The following SYT15B variants were observed in gnomAD, a reference collection of about 807,000 sequenced individuals.
SYT15B encodes the protein synaptotagmin-15.
the SYT15B span, among the ~76,000 whole-genome samples, chr10:47,749,434 A>G: frequency 6.6e-6 from 1 of 150,952 alleles, no homozygotes; most frequent in South Asian, 2.1e-4. Context: ...TGCACATAGC[A>G]ATAATAATAA....
At chr10:47,756,583 C>T in the SYT15B span, among the ~76,000 whole-genome samples, 4 of 149,896 alleles carry the variant, frequency 2.7e-5, no homozygotes, top group African/African-American at 9.7e-5. Flanking sequence ...GTACAGAGGG[C>T]TAAGATTTGG....
the SYT15B span, among the ~76,000 whole-genome samples, chr10:47,747,224 A>G: frequency 1.3e-5 from 2 of 152,190 alleles, no homozygotes; most frequent in Admixed American, 6.5e-5. Context: ...CTTCAGCTGG[A>G]GAGACAAGAA....
the SYT15B span, chr10:47,761,572 ACAGCAGCTTGCCCCGATCAACAGCAG>A: frequency 7.9e-7 from 1 of 1,262,576 alleles, no homozygotes; most frequent in Non-Finnish European, 1.1e-6. Context: ...TTCTCCACAG[ACAGCAGCTTGCCCCGATCAACAGCAG>A]CAGCAGCAGC....
At chr10:47,748,458 T>G in the SYT15B span, among the ~76,000 whole-genome samples, 1 of 151,976 alleles carries the variant, frequency 6.6e-6, no homozygotes, top group Admixed American at 6.6e-5. Flanking sequence ...GGTGATCCAC[T>G]GGCCTTGGCC....
chr10:47,748,043 G>A, the SYT15B span, among the ~76,000 whole-genome samples: 2 of 152,204 alleles, frequency 1.3e-5, no homozygotes, highest in Admixed American at 6.5e-5. Context: ...GGGAAGTGGT[G>A]AACAGGCCTA....
At chr10:47,751,239 A>G in the SYT15B span, 1 of 144,482 alleles carries the variant, frequency 6.9e-6, no homozygotes, top group African/African-American at 2.5e-5. Context: ...CCAATTTTAT[A>G]TCTTGCAACC....
At chr10:47,750,748 T>C in the SYT15B span, 23 of 148,614 alleles carry the variant, frequency 1.5e-4, no homozygotes, top group African/African-American at 5.7e-4. Context: ...TAAATCTAAA[T>C]TTTATTTTAT....
the SYT15B span, among the ~76,000 whole-genome samples, chr10:47,747,097 G>C: frequency 2.1e-5 from 3 of 144,344 alleles, no homozygotes; most frequent in Non-Finnish European, 4.6e-5. Context: ...AAAACACAAG[G>C]AGGCAAGCTG....
chr10:47,759,150 CCA>C, the SYT15B span, among the ~76,000 whole-genome samples: 2 of 126,870 alleles, frequency 1.6e-5, no homozygotes, highest in East Asian at 5.4e-4. Context: ...GCCGGCCAGC[CCA>C]GAGTGCAGCA....
At chr10:47,748,674 A>G in the SYT15B span, among the ~76,000 whole-genome samples, 2 of 150,188 alleles carry the variant, frequency 1.3e-5, no homozygotes, top group Non-Finnish European at 3.0e-5. Flanking sequence ...TCTTTTGTAG[A>G]GGGGGGGGAT....
the SYT15B span, among the ~76,000 whole-genome samples, chr10:47,755,483 C>T: frequency 6.6e-6 from 1 of 151,088 alleles, no homozygotes; most frequent in African/African-American, 2.4e-5. Flanking sequence ...TCTCGATCTC[C>T]TGACCTCGTG....
chr10:47,748,082 G>A, the SYT15B span, among the ~76,000 whole-genome samples: 2 of 152,158 alleles, frequency 1.3e-5, no homozygotes, highest in Non-Finnish European at 2.9e-5. Flanking sequence ...TCTTAGAAGG[G>A]AGGAAGATGG....
chr10:47,762,239 A>C, the SYT15B span, among the ~76,000 whole-genome samples: 1 of 152,050 alleles, frequency 6.6e-6, no homozygotes, highest in African/African-American at 2.4e-5. Context: ...AAGAGGGGGC[A>C]AGGCCCCATT....
the SYT15B span, among the ~76,000 whole-genome samples, chr10:47,756,393 A>G: frequency 2.5e-5 from 3 of 119,718 alleles, no homozygotes; most frequent in East Asian, 2.5e-4. Flanking sequence ...TGAGGAGTGC[A>G]CTGCCCTGCG....
At chr10:47,761,043 C>G in the SYT15B span, 1 of 609,100 alleles carries the variant, frequency 1.6e-6, no homozygotes, top group African/African-American at 1.9e-5. Flanking sequence ...CATCGGGAGC[C>G]AGGAGGAGGC....
At chr10:47,761,130 C>A in the SYT15B span, among the ~76,000 whole-genome samples, 4 of 134,506 alleles carry the variant, frequency 3.0e-5, no homozygotes, top group Non-Finnish European at 3.3e-5. Flanking sequence ...ACACACACAG[C>A]AGTGGGATTT....
At chr10:47,763,000 C>G in the SYT15B span, 1 of 1,179,806 alleles carries the variant, frequency 8.5e-7, no homozygotes, top group Non-Finnish European at 1.1e-6. Flanking sequence ...GAGTACCACC[C>G]CCATCCCGGA....
chr10:47,763,263 T>G, the SYT15B span: 1 of 985,358 alleles, frequency 1.0e-6, no homozygotes. Context: ...ACCCGTTCGC[T>G]CTCAGCGGAC....
the SYT15B span, chr10:47,763,410 T>TGTCC: frequency 3.0e-6 from 3 of 985,064 alleles, no homozygotes; most frequent in African/African-American, 5.2e-5. Context: ...ATTGGGTTAA[T>TGTCC]GTCCGTGAGG....
Sources: gnomAD v4.1 joint callset for allele counts (sites outside exome capture counted in the v4.1 genomes callset) on GRCh38, gnomAD v4.1.1 for gene constraint, MANE v1.5 for transcripts, NCBI Gene and HGNC (gene_info 2026-07-23, HGNC 2026-07-21) for gene names.